IMMP2L: variants seen among roughly 807,000 people sequenced by gnomAD.
IMMP2L encodes the protein mitochondrial inner membrane protease subunit 2.
A neutral mutation model predicts 19.3 loss-of-function variants in IMMP2L; 18 were observed. That is an observed-to-expected ratio of 0.93 (90% CI 0.64 to 1.38). The LOEUF (loss-of-function observed/expected upper bound fraction) is 1.38. Among genes scored for constraint, IMMP2L ranks in the 40% most tolerant of loss-of-function variants. The pLI, the probability that IMMP2L is intolerant of heterozygous loss-of-function variation, is 0.00. For synonymous variants in IMMP2L, 76 were observed against 73.0 expected (o/e 1.04, Z -0.21); for missense variants, 233 against 218.2 (o/e 1.07, Z -0.43).
At chr7:110,969,692 T>C (rs1011205171) in intron 3 of IMMP2L, among the ~76,000 whole-genome samples, 2 of 152,190 alleles carry the variant, frequency 1.3e-5, no homozygotes, top group African/African-American at 4.8e-5. Flanking sequence ...GAGTCAAATT[T>C]CAAGCAATGT....
intron 3 of IMMP2L, among the ~76,000 whole-genome samples, chr7:111,364,017 C>T (rs1046115208): frequency 6.6e-5 from 10 of 152,030 alleles, no homozygotes; most frequent in South Asian, 2.1e-4. Flanking sequence ...CACACACACA[C>T]ATCTACCCCT....
At chr7:111,399,228 A>C (rs1833189402) in intron 3 of IMMP2L, among the ~76,000 whole-genome samples, 1 of 152,160 alleles carries the variant, frequency 6.6e-6, no homozygotes, top group Admixed American at 6.5e-5. Flanking sequence ...CTGATTTCAA[A>C]CTATACTGTA....
chr7:110,928,370 C>T (rs1230083529), intron 4 of IMMP2L, among the ~76,000 whole-genome samples: 1 of 147,486 alleles, frequency 6.8e-6, no homozygotes, highest in African/African-American at 2.5e-5. Flanking sequence ...CACACACACA[C>T]ACACACACAC....
intron 3 of IMMP2L, among the ~76,000 whole-genome samples, chr7:111,228,966 C>CGTGTGTGTGT (rs10530563): frequency 2.1e-5 from 3 of 143,950 alleles, no homozygotes; most frequent in East Asian, 2.1e-4. Flanking sequence ...ACTAGCAATG[C>CGTGTGTGTGT]GTGTGTGTGT....
At chr7:111,264,035 AG>A (rs761416924) in intron 3 of IMMP2L, among the ~76,000 whole-genome samples, 2 of 152,164 alleles carry the variant, frequency 1.3e-5, no homozygotes, top group Non-Finnish European at 2.9e-5. Context: ...GGTAGGTGAT[AG>A]GCTGCAGATG....
At chr7:111,266,565 G>T (rs1053361088) in intron 3 of IMMP2L, among the ~76,000 whole-genome samples, 12 of 149,988 alleles carry the variant, frequency 8.0e-5, no homozygotes, top group Non-Finnish European at 1.8e-4. Context: ...AAAAAAAAGG[G>T]ATCTAGGTTC....
chr7:111,302,318 C>T (rs1822344947), intron 3 of IMMP2L, among the ~76,000 whole-genome samples: 1 of 152,102 alleles, frequency 6.6e-6, no homozygotes, highest in African/African-American at 2.4e-5. Context: ...TATTGTCTCC[C>T]TGACCTCCTG....
At chr7:111,221,970 G>C (rs1812566911) in intron 3 of IMMP2L, among the ~76,000 whole-genome samples, 1 of 151,916 alleles carries the variant, frequency 6.6e-6, no homozygotes, top group Non-Finnish European at 1.5e-5. Context: ...CAAAGAGATG[G>C]CATCACAGTC....
chr7:111,141,351 C>T (rs983824335), intron 3 of IMMP2L, among the ~76,000 whole-genome samples: 39 of 152,094 alleles, frequency 2.6e-4, no homozygotes, highest in African/African-American at 9.4e-4. Context: ...ATAATTTTAT[C>T]ACAATTTTTT....
rs140353604 is a variant in IMMP2L, at chr7:111,188,955, T to C, written c.240-225390A>G. ...CTTCCTGGAAGATCAGAACTACAGA[T>C]ATGGCTAATAAAAAAGTTCCTCCTG... On this transcript the variant is annotated intron_variant, in intron 3 of 5. Transcript: ENST00000405709. Among the ~76,000 whole-genome samples, 772 of 152,184 alleles carry C rather than the reference T, an allele frequency of 5.1e-3. 9 individuals carry two copies. Among genetic ancestry groups the C allele is most frequent in the African/African-American group, 0.018 (740 of 41,500 alleles).
intron 1 of IMMP2L, among the ~76,000 whole-genome samples, chr7:111,530,008 A>T (rs141498402): frequency 1.3e-5 from 2 of 152,284 alleles, no homozygotes; most frequent in Non-Finnish European, 2.9e-5. Flanking sequence ...CCTCTGATTC[A>T]GTGGAAAAGC....
At chr7:111,005,307 G>A (rs879499726) in intron 3 of IMMP2L, among the ~76,000 whole-genome samples, 7 of 152,062 alleles carry the variant, frequency 4.6e-5, no homozygotes, top group Middle Eastern at 3.2e-3. Context: ...GAAAATAATA[G>A]AAGAAAACCA....
chr7:111,092,869 C>T (rs1217901417), intron 3 of IMMP2L, among the ~76,000 whole-genome samples: 6 of 152,154 alleles, frequency 3.9e-5, no homozygotes, highest in African/African-American at 1.4e-4. Flanking sequence ...TCTCTCCTGC[C>T]TTCTTTTAGT....
At chr7:111,225,798 A>G (rs541282603) in intron 3 of IMMP2L, among the ~76,000 whole-genome samples, 17 of 152,074 alleles carry the variant, frequency 1.1e-4, no homozygotes, top group South Asian at 4.2e-4. Context: ...GCACATTACA[A>G]TACATATTCT....
intron 3 of IMMP2L, among the ~76,000 whole-genome samples, chr7:111,133,132 T>C (rs780192031): frequency 5.9e-5 from 9 of 152,008 alleles, no homozygotes; most frequent in Non-Finnish European, 2.9e-5. Flanking sequence ...CACCATTTAT[T>C]GAAGATCTAC....
chr7:110,981,506 G>A (rs1821292181), intron 3 of IMMP2L, among the ~76,000 whole-genome samples: 1 of 150,222 alleles, frequency 6.7e-6, no homozygotes, highest in Non-Finnish European at 1.5e-5. Context: ...TAAAATTTCT[G>A]TGTTGAGTGG....
chr7:111,065,169 T>C (rs957328822), intron 3 of IMMP2L, among the ~76,000 whole-genome samples: 7 of 152,248 alleles, frequency 4.6e-5, no homozygotes, highest in East Asian at 1.9e-4. Context: ...TGTTTGTGCA[T>C]GTATACACTT....
chr7:111,059,538 C>T (rs2129574317), intron 3 of IMMP2L, among the ~76,000 whole-genome samples: 1 of 152,276 alleles, frequency 6.6e-6, no homozygotes, highest in Middle Eastern at 3.4e-3. Flanking sequence ...GCTAGACTAA[C>T]ACTTCATGAG....
rs1440464056 is a variant in IMMP2L, at chr7:111,316,016, C to T, written c.239+171222G>A. Among the ~76,000 whole-genome samples the T allele has an allele frequency of 2.6e-5, 4 of 152,242 alleles. No individual in the cohort carries two copies. The East Asian group carries it at 7.7e-4, about 29-fold the overall frequency. Reference sequence around the variant, plus strand: ...AGATGGTATGGCCGACTACCCCTAGCTTATGGCTCCTAGACTACAATCCTG... The same window carrying T: ...AGATGGTATGGCCGACTACCCCTAGTTTATGGCTCCTAGACTACAATCCTG... On this transcript the variant is annotated intron_variant, in intron 3 of 5. Coordinates refer to ENST00000405709, the MANE Select transcript of IMMP2L (RefSeq NM_032549.4).
Sources: allele counts gnomAD v4.1 joint callset (sites outside exome capture counted in the v4.1 genomes callset), GRCh38; gene constraint gnomAD v4.1.1; transcripts MANE v1.5; gene names NCBI Gene and HGNC (gene_info 2026-07-23, HGNC 2026-07-21).